ROBO1: variants seen among roughly 807,000 people sequenced by gnomAD.
The protein encoded by ROBO1 is roundabout homolog 1.
In ROBO1, 149 loss-of-function variants were observed where a neutral mutation model predicts 195.9. The ratio of observed to expected loss-of-function variants is 0.76; its 90% CI spans 0.67 to 0.87. The LOEUF (loss-of-function observed/expected upper bound fraction) is 0.87, where lower values mean the gene tolerates loss of function less well. Among genes scored for constraint, ROBO1 ranks in the 40% least tolerant of loss-of-function variants. The pLI is 0.00. For synonymous variants in ROBO1, 816 were observed against 733.2 expected, an observed-to-expected ratio of 1.11 and a Z score of -1.82; for missense variants, 1,933 against 2,068.3, an observed-to-expected ratio of 0.93 and a Z score of 1.27.
chr3:78,973,653 T>C (rs2076823614), intron 3 of ROBO1, among the ~76,000 whole-genome samples: 2 of 149,054 alleles, frequency 1.3e-5, no homozygotes. Flanking sequence ...TCACCACAGA[T>C]TACTATATAC....
intron 2 of ROBO1, among the ~76,000 whole-genome samples, chr3:79,278,452 T>C (rs1180145696): frequency 6.6e-6 from 1 of 152,068 alleles, no homozygotes; most frequent in Non-Finnish European, 1.5e-5. Context: ...CCTACAGTGC[T>C]ACAGTAACTA....
chr3:79,459,014 T>G (rs893829995), intron 2 of ROBO1, among the ~76,000 whole-genome samples: 2 of 152,172 alleles, frequency 1.3e-5, no homozygotes, highest in African/African-American at 4.8e-5. Flanking sequence ...TAAAACTGTA[T>G]CCAACTTTAT....
intron 1 of ROBO1, among the ~76,000 whole-genome samples, chr3:79,616,047 A>G (rs1296142465): frequency 6.6e-6 from 1 of 152,140 alleles, no homozygotes; most frequent in Non-Finnish European, 1.5e-5. Context: ...CCCCAAACCT[A>G]TGGTGGCTTG....
intron 2 of ROBO1, among the ~76,000 whole-genome samples, chr3:79,519,887 C>T (rs1357234470): frequency 2.0e-5 from 3 of 151,758 alleles, no homozygotes; most frequent in South Asian, 2.1e-4. Context: ...AGCTGGGCAC[C>T]GTGGCTCACA....
At chr3:79,706,572 T>A (rs1471250654) in intron 1 of ROBO1, among the ~76,000 whole-genome samples, 1 of 152,038 alleles carries the variant, frequency 6.6e-6, no homozygotes, top group Non-Finnish European at 1.5e-5. Flanking sequence ...AGGGACCCGG[T>A]AGGGGGTAAT....
intron 4 of ROBO1, among the ~76,000 whole-genome samples, chr3:78,920,631 T>G (rs941109140): frequency 3.1e-5 from 4 of 130,972 alleles, no homozygotes; most frequent in African/African-American, 9.4e-5. Flanking sequence ...TCAGTTTTTT[T>G]TTTTTTTTTT....
intron 1 of ROBO1, among the ~76,000 whole-genome samples, chr3:79,653,631 G>A (rs779025576): frequency 1.4e-4 from 22 of 152,078 alleles, no homozygotes; most frequent in Non-Finnish European, 2.7e-4. Context: ...ATAGATCAGT[G>A]TCTTAGATTG....
At chr3:79,153,062 A>G (rs1455967685) in intron 2 of ROBO1, among the ~76,000 whole-genome samples, 1 of 151,778 alleles carries the variant, frequency 6.6e-6, no homozygotes, top group South Asian at 2.1e-4. Flanking sequence ...ACTTATATTT[A>G]AAAAATACTA....
At chr3:78,700,455 T>C (rs1471110841) in intron 8 of ROBO1, among the ~76,000 whole-genome samples, 4 of 152,192 alleles carry the variant, frequency 2.6e-5, no homozygotes, top group Non-Finnish European at 4.4e-5. Context: ...GATGACAGAA[T>C]GATAACGTTA....
chr3:79,245,859 A>G (rs935791910), intron 2 of ROBO1, among the ~76,000 whole-genome samples: 10 of 152,124 alleles, frequency 6.6e-5, no homozygotes, highest in Admixed American at 2.6e-4. Flanking sequence ...ATTACTAAGT[A>G]ATATGTTCCC....
chr3:78,881,396 G>T (rs527406914), intron 4 of ROBO1, among the ~76,000 whole-genome samples: 1 of 152,108 alleles, frequency 6.6e-6, no homozygotes, highest in African/African-American at 2.4e-5. Context: ...CAGTGAAAAT[G>T]GTTAGTCTCA....
chr3:79,336,943 T>C (rs2034696889), intron 2 of ROBO1, among the ~76,000 whole-genome samples: 1 of 152,228 alleles, frequency 6.6e-6, no homozygotes, highest in South Asian at 2.1e-4. Context: ...ATGTTTAGTT[T>C]AATGTTTAGT....
At chr3:79,222,910 CT>C (rs1177840000) in intron 2 of ROBO1, among the ~76,000 whole-genome samples, 2 of 152,148 alleles carry the variant, frequency 1.3e-5, no homozygotes, top group Non-Finnish European at 1.5e-5. Context: ...GCCTTAAGCT[CT>C]TGCTGTTACC....
intron 4 of ROBO1, among the ~76,000 whole-genome samples, chr3:78,838,385 T>C (rs1282173345): frequency 6.6e-6 from 1 of 152,216 alleles, no homozygotes; most frequent in Non-Finnish European, 1.5e-5. Flanking sequence ...AGCCTGTCTT[T>C]GTTTTGTGTT....
chr3:79,121,477 C>A (rs1450450421), intron 3 of ROBO1, among the ~76,000 whole-genome samples: 1 of 151,826 alleles, frequency 6.6e-6, no homozygotes, highest in Admixed American at 6.6e-5. Flanking sequence ...TTGTTTCCTT[C>A]TAAACAATCA....
At chr3:78,970,167 C>T (rs2076732217) in intron 3 of ROBO1, among the ~76,000 whole-genome samples, 1 of 152,064 alleles carries the variant, frequency 6.6e-6, no homozygotes, top group African/African-American at 2.4e-5. Context: ...ATATATTTTT[C>T]ATTATATTGA....
At chr3:79,412,114 C>T (rs2037792289) in intron 2 of ROBO1, among the ~76,000 whole-genome samples, 1 of 152,072 alleles carries the variant, frequency 6.6e-6, no homozygotes, top group Admixed American at 6.6e-5. Context: ...GGAGCCAATC[C>T]TGTCATTTTA....
At chr3:78,956,598 G>A (rs2041062266) in intron 3 of ROBO1, among the ~76,000 whole-genome samples, 1 of 152,150 alleles carries the variant, frequency 6.6e-6, no homozygotes, top group South Asian at 2.1e-4. Context: ...TTTGTTGAAT[G>A]AATAATCAAT....
chr3:79,237,209 G>A lies in ROBO1; in HGVS notation c.89-111670C>T, dbSNP rs192571189. Reference sequence around the variant, plus strand: ...AATAAAAGTTCAAAAATGGCCGGGCGCGGTGGCTCACGCCTGTAATCCCAC... The same window carrying A: ...AATAAAAGTTCAAAAATGGCCGGGCACGGTGGCTCACGCCTGTAATCCCAC... On this transcript the variant is annotated intron_variant, in intron 2 of 30. Coordinates refer to ENST00000464233, the MANE Select transcript of ROBO1 (RefSeq NM_002941.4). Among the ~76,000 whole-genome samples, 550 of 152,242 alleles carry A rather than the reference G, an allele frequency of 3.6e-3. 10 individuals carry two copies. Among genetic ancestry groups the A allele is most frequent in the East Asian group, 0.028 (143 of 5,172 alleles).
Sources: allele counts gnomAD v4.1 joint callset (sites outside exome capture counted in the v4.1 genomes callset), GRCh38; gene constraint gnomAD v4.1.1; transcripts MANE v1.5; gene names NCBI Gene and HGNC (gene_info 2026-07-23, HGNC 2026-07-21).